PTPN9: variants seen among roughly 807,000 people sequenced by gnomAD.
PTPN9 encodes the protein tyrosine-protein phosphatase non-receptor type 9.
A neutral mutation model predicts 69.8 loss-of-function variants in PTPN9; 26 were observed. The ratio of observed to expected loss-of-function variants is 0.37; its 90% CI spans 0.27 to 0.52. The LOEUF (loss-of-function observed/expected upper bound fraction) is 0.52, where lower values mean the gene tolerates loss of function less well. Ranked by LOEUF, PTPN9 falls within the 20% of genes least tolerant of loss-of-function variation. The probability of loss-of-function intolerance (pLI) is 0.91; values close to 1 mark genes in which losing one functional copy is unlikely to be tolerated. For missense variants in PTPN9, 549 were observed against 740.3 expected (o/e 0.74, Z 3.00); for synonymous variants, 274 against 272.5 (o/e 1.01, Z -0.05).
chr15:75,562,069 TCTCAAACTCCTGGC>T (rs2075106149), intron 1 of PTPN9, among the ~76,000 whole-genome samples: 1 of 152,074 alleles, frequency 6.6e-6, no homozygotes, highest in East Asian at 1.9e-4. Flanking sequence ...CCCAGGTTGG[TCTCAAACTCCTGGC>T]CTCAGATGAT....
intron 1 of PTPN9, among the ~76,000 whole-genome samples, chr15:75,533,777 G>A (rs373595820): frequency 6.6e-6 from 1 of 152,144 alleles, no homozygotes; most frequent in Non-Finnish European, 1.5e-5. Flanking sequence ...GTATCAGAGA[G>A]AATAAAACCA....
At chr15:75,545,019 C>G (rs1178976689) in intron 1 of PTPN9, among the ~76,000 whole-genome samples, 2 of 152,104 alleles carry the variant, frequency 1.3e-5, no homozygotes, top group East Asian at 3.8e-4. Flanking sequence ...GCTTTCCAGC[C>G]AAGCACTGAC....
chr15:75,480,324 G>A (rs1215627486), intron 8 of PTPN9, among the ~76,000 whole-genome samples: 1 of 152,184 alleles, frequency 6.6e-6, no homozygotes, highest in Non-Finnish European at 1.5e-5. Flanking sequence ...AAAAACTTAT[G>A]CCAGGCGCGG....
At chr15:75,487,135 A>T (rs2074683240) in intron 8 of PTPN9, among the ~76,000 whole-genome samples, 1 of 151,986 alleles carries the variant, frequency 6.6e-6, no homozygotes. Context: ...CAATCCATAC[A>T]TATTTTAAAA....
Position 75,468,847 on chromosome 15 carries a change from G to A in PTPN9, c.1704C>T (p.Tyr568=), listed in dbSNP as rs776474331. The A allele has an allele frequency of 4.3e-6, 7 of 1,614,170 alleles. No homozygotes were observed. The highest frequency in any genetic ancestry group is 5.9e-6 in the Non-Finnish European group (7 of 1,180,026). Residue 568 remains tyrosine, a synonymous_variant, in exon 13 of 13, where the codon TAC becomes TAT. Coordinates refer to ENST00000618819, the MANE Select transcript of PTPN9 (RefSeq NM_002833.4). The part of the protein sequence containing the change: ...IQTPEQYYFC[Y]KAILEFAEKE... The stretch of plus-strand genomic sequence containing the variant: ...TCTCTGCGAACTCCAGGATGGCCTT[G>A]TAGCAAAAATAGTACTGCTCAGGGG...
At position 75,578,911 on chromosome 15, in the gene PTPN9, G is replaced by GGC. The variant is rs2075187006; in HGVS notation, c.-137_-136dup. ...GCGCATAGTGTGGCCGGCAGGGCCC[G>GGC]GCGCCTGCAGCGGCCGCAAACGCCG... On this transcript the variant is annotated 5_prime_UTR_variant, in exon 1 of 13. Transcript: ENST00000618819. 1 of 467,054 alleles carries GGC rather than the reference G, an allele frequency of 2.1e-6. No homozygotes were observed. The highest frequency in any genetic ancestry group is 3.2e-6 in the Non-Finnish European group (1 of 313,458). 28.9% of individuals were successfully genotyped at this position (467,054 alleles called of 1,614,324 possible).
At chr15:75,480,768 GCGA>G (rs2074627048) in intron 8 of PTPN9, 1 of 1,177,614 alleles carries the variant, frequency 8.5e-7, no homozygotes, top group African/African-American at 1.6e-5. Flanking sequence ...CGCCGCGCCG[GCGA>G]GCGCCGCCCG....
chr15:75,529,435 A>G (rs947053121), intron 1 of PTPN9, among the ~76,000 whole-genome samples: 2 of 152,174 alleles, frequency 1.3e-5, no homozygotes, highest in South Asian at 2.1e-4. Flanking sequence ...TCTATTCCCA[A>G]TCAACCCACA....
rs2074555055 is a variant in PTPN9 at position 75,469,903 on chromosome 15, C to A, written c.1456G>T (p.Val486Leu). ...GCCAGACTCTGCTGGTTTCTGACCA[C>A]TCTCAAGAAGTCAATGAGGGAAGCT... The part of the protein sequence containing the change: ...SAASLIDFLR[V>L]VRNQQSLAVS... Residue 486 changes from valine to leucine, a missense_variant, in exon 12 of 13, where the codon GTG (valine) becomes TTG (leucine). Coordinates refer to ENST00000618819, the MANE Select transcript of PTPN9 (RefSeq NM_002833.4). 1 of 1,614,216 alleles carries A rather than the reference C, an allele frequency of 6.2e-7. No homozygotes were observed. The highest frequency in any genetic ancestry group is 8.5e-7 in the Non-Finnish European group (1 of 1,180,032).
At chr15:75,573,528 T>C (rs1376218531) in intron 1 of PTPN9, among the ~76,000 whole-genome samples, 1 of 152,134 alleles carries the variant, frequency 6.6e-6, no homozygotes, top group Non-Finnish European at 1.5e-5. Context: ...ACTATATCAA[T>C]GCATACACAG....
chr15:75,533,360 T>C (rs1292532468), intron 1 of PTPN9, among the ~76,000 whole-genome samples: 7 of 152,120 alleles, frequency 4.6e-5, no homozygotes, highest in Admixed American at 3.9e-4. Context: ...CTGGGCTCAA[T>C]TGATCCTCCT....
At chr15:75,514,446 G>A (rs2074859740) in intron 5 of PTPN9, among the ~76,000 whole-genome samples, 1 of 152,104 alleles carries the variant, frequency 6.6e-6, no homozygotes, top group African/African-American at 2.4e-5. Flanking sequence ...GGGTGTGGTG[G>A]CACATGCCTG....
intron 1 of PTPN9, among the ~76,000 whole-genome samples, chr15:75,561,997 C>A (rs1480053953): frequency 6.6e-6 from 1 of 152,078 alleles, no homozygotes; most frequent in African/African-American, 2.4e-5. Context: ...TGTGAGCCAC[C>A]GCACCCAGCT....
At position 75,505,957 on chromosome 15, in the gene PTPN9, T is replaced by C; in HGVS notation, c.686A>G (p.Glu229Gly). ...CCCACCCAGGTTTTCTGGAAGACACTCCCTGGGCAGATGCTGCGTGACCTC... is the reference window on the plus strand; with the variant it reads ...CCCACCCAGGTTTTCTGGAAGACACCCCCTGGGCAGATGCTGCGTGACCTC... ...TSEVTQHLPR[E>G]CLPENLGGYV... is the part of the protein sequence containing the mutation. The change falls in exon 7 of 13, where the codon GAG (glutamate) becomes GGG (glycine). Residue 229 changes from glutamate (E) to glycine (G), a missense_variant. Glu to Gly is a moderately conservative substitution (Grantham distance 98, BLOSUM62 -2). This residue lies in a region of PTPN9 where 457 missense variants were observed against 661.9 expected (regional missense o/e 0.69). Transcript: ENST00000618819. 1 of 1,614,004 alleles carries C rather than the reference T, an allele frequency of 6.2e-7. No homozygotes were observed. The highest frequency in any genetic ancestry group is 2.2e-5 in the East Asian group (1 of 44,888).
chr15:75,490,815 C>T (rs1189712321), intron 7 of PTPN9, among the ~76,000 whole-genome samples: 2 of 151,974 alleles, frequency 1.3e-5, no homozygotes, highest in Admixed American at 6.6e-5. Context: ...TTAGTAGAGA[C>T]GGGGTTTCAC....
chr15:75,493,033 T>C (rs1356466551), intron 7 of PTPN9, among the ~76,000 whole-genome samples: 1 of 152,084 alleles, frequency 6.6e-6, no homozygotes, highest in Non-Finnish European at 1.5e-5. Context: ...TACAAACCTG[T>C]AGTCCCGGCT....
chr15:75,492,262 T>A (rs1220545314), intron 7 of PTPN9, among the ~76,000 whole-genome samples: 1 of 151,882 alleles, frequency 6.6e-6, no homozygotes, highest in Non-Finnish European at 1.5e-5. Flanking sequence ...GAAAAAGGAG[T>A]ATTCACTACA....
chr15:75,523,107 AT>A lies in PTPN9; in HGVS notation c.422+13del, dbSNP rs553215634. 2.3e-4 allele frequency: 375 copies of A among 1,604,316 alleles called. 1 individual carries two copies. In the African/African-American group the frequency reaches 4.7e-3, roughly 20 times the overall value. On this transcript the variant is annotated intron_variant, in intron 4 of 12. Transcript: ENST00000618819. Reference sequence around the variant, plus strand: ...CTGCATGTAGAATACCTAAAAAATAATCTCAATGCTTACCTATCCACAGCTC... The same window carrying A: ...CTGCATGTAGAATACCTAAAAAATAACTCAATGCTTACCTATCCACAGCTC...
chr15:75,487,592 A>T (rs2074686168), intron 8 of PTPN9: 1 of 152,192 alleles, frequency 6.6e-6, no homozygotes, highest in Non-Finnish European at 1.5e-5. Flanking sequence ...ATGGATAAAT[A>T]CAGGTATCTC....
Sources: allele counts gnomAD v4.1 joint callset (sites outside exome capture counted in the v4.1 genomes callset), GRCh38; gene constraint gnomAD v4.1.1; regional missense constraint gnomAD v4.1.1; transcripts MANE v1.5; gene names NCBI Gene and HGNC (gene_info 2026-07-23, HGNC 2026-07-21).